CEP57L1: variants seen among roughly 807,000 people sequenced by gnomAD.
CEP57L1 encodes centrosomal protein CEP57L1.
In CEP57L1, 37 loss-of-function variants were observed where a neutral mutation model predicts 61.0. The observed-to-expected ratio is 0.61, with a 90% CI of 0.47 to 0.80. The LOEUF (loss-of-function observed/expected upper bound fraction) is 0.80. Among genes scored for constraint, CEP57L1 ranks in the 30% least tolerant of loss-of-function variants. The pLI is 0.00. For synonymous variants in CEP57L1, 137 were observed against 162.3 expected (o/e 0.84, Z 1.19); for missense variants, 422 against 524.7 (o/e 0.80, Z 1.91).
intron 1 of CEP57L1, among the ~76,000 whole-genome samples, chr6:109,099,818 G>T (rs1782160462): frequency 6.6e-6 from 1 of 152,172 alleles, no homozygotes; most frequent in Non-Finnish European, 1.5e-5. Flanking sequence ...AAAGTGCTGG[G>T]ATTACAGGCG....
Position 109,168,030 on chromosome 6 carries a change from G to C in CEP57L1, c.*5060G>C, listed in dbSNP as rs1186687396. Among the ~76,000 whole-genome samples, 1 of 152,222 alleles carries C rather than the reference G, an allele frequency of 6.6e-6. No individual in the cohort carries two copies. The highest frequency in any genetic ancestry group is 2.4e-5 in the African/African-American group (1 of 41,448). ...TGAAAGGCATAATGACAACCACAGA[G>C]CAGATGCTCAAATATTTATTTGCCT... On this transcript the variant is annotated 3_prime_UTR_variant, in exon 11 of 11. Coordinates refer to ENST00000517392, the MANE Select transcript of CEP57L1 (RefSeq NM_001271852.3).
chr6:109,131,569 C>G (rs567558372), intron 1 of CEP57L1, among the ~76,000 whole-genome samples: 1 of 151,830 alleles, frequency 6.6e-6, no homozygotes, highest in African/African-American at 2.4e-5. Context: ...CAGTTAGTAT[C>G]TCTAAAGTAT....
chr6:109,159,479 T>TG lies in CEP57L1; in HGVS notation c.1016+17_1016+18insG. 1 of 1,092,066 alleles carries TG rather than the reference T, an allele frequency of 9.2e-7. No homozygotes were observed. The highest frequency in any genetic ancestry group is 3.3e-5 in the East Asian group (1 of 30,648). 67.6% of individuals were successfully genotyped at this position (1,092,066 alleles called of 1,614,324 possible). A position where few individuals can be genotyped will look rare whatever the true frequency, so the allele number is the denominator to read the frequency against. On this transcript the variant is annotated intron_variant, in intron 9 of 10. Transcript: ENST00000517392. ...AATGAGCATGTAAGTATTTATATTC[T>TG]TTTTTTTTTTCAAGAGACAGTGTCT...
intron 8 of CEP57L1, 52 bp downstream of exon 8, chr6:109,159,154 G>T (rs779538029): frequency 1.9e-6 from 3 of 1,613,696 alleles, no homozygotes; most frequent in Admixed American, 1.7e-5. Flanking sequence ...CTGTTTTGTT[G>T]TAAGTGCTAT....
chr6:109,148,846 G>A (rs1015137875), intron 3 of CEP57L1, among the ~76,000 whole-genome samples: 1 of 152,220 alleles, frequency 6.6e-6, no homozygotes, highest in African/African-American at 2.4e-5. Flanking sequence ...CTGTGGTTTT[G>A]ATTTGCATTT....
Position 109,146,917 on chromosome 6 carries a change from A to G in CEP57L1, c.320A>G (p.Glu107Gly). 1 of 1,606,842 alleles carries G rather than the reference A, an allele frequency of 6.2e-7. No homozygotes were observed. Among genetic ancestry groups the G allele is most frequent in the Non-Finnish European group, 8.5e-7 (1 of 1,177,628 alleles). ...ETNERNLAHQ[E>G]LIKQKKDISI... ...AATGAGAGAAATCTGGCACACCAGG[A>G]GCTGATAAAGCAGAAAAAAGGTAAG... The change falls in exon 3 of 11, where the codon GAG (glutamate) becomes GGG (glycine). Residue 107 changes from glutamate (E) to glycine (G), a missense_variant. Glu to Gly is a moderately conservative substitution (Grantham distance 98). Coordinates refer to ENST00000517392, the MANE Select transcript of CEP57L1 (RefSeq NM_001271852.3).
At chr6:109,162,277 C>T (rs1338531523) in intron 10 of CEP57L1, among the ~76,000 whole-genome samples, 1 of 152,020 alleles carries the variant, frequency 6.6e-6, no homozygotes, top group African/African-American at 2.4e-5. Context: ...ACTTGATACT[C>T]ATTCCTAGAA....
intron 1 of CEP57L1, among the ~76,000 whole-genome samples, chr6:109,108,994 G>A (rs1033271121): frequency 7.9e-5 from 12 of 152,146 alleles, no homozygotes; most frequent in African/African-American, 2.4e-4. Flanking sequence ...GTTTTTAATA[G>A]GAGAGTCTCT....
At chr6:109,150,316 T>C in intron 4 of CEP57L1, 77 bp downstream of exon 4, 1 of 1,536,012 alleles carries the variant, frequency 6.5e-7, no homozygotes, top group Middle Eastern at 1.7e-4. Flanking sequence ...ACGGGAAAAT[T>C]CAAAGGCAAA....
chr6:109,120,432 T>A (rs1020068441), intron 1 of CEP57L1, among the ~76,000 whole-genome samples: 4 of 152,160 alleles, frequency 2.6e-5, no homozygotes, highest in African/African-American at 9.7e-5. Flanking sequence ...GGTCTATAAA[T>A]AATTGTTTTC....
At chr6:109,117,314 C>T (rs533170538) in intron 1 of CEP57L1, among the ~76,000 whole-genome samples, 2 of 152,252 alleles carry the variant, frequency 1.3e-5, no homozygotes, top group Admixed American at 6.5e-5. Flanking sequence ...TTTGACTATA[C>T]CTTTTGGCTT....
intron 1 of CEP57L1, 29 bp downstream of exon 1, chr6:109,095,604 T>G (rs1314367691): frequency 2.0e-6 from 2 of 983,568 alleles, no homozygotes; most frequent in African/African-American, 3.5e-5. Context: ...GTTGTCACCT[T>G]TCCTTGACAG....
At position 109,159,391 on chromosome 6, in the gene CEP57L1, G is replaced by A. The variant is rs1773526646; in HGVS notation, c.945G>A (p.Lys315=). 6.2e-7 allele frequency: 1 copy of A among 1,613,888 alleles called. No homozygotes were observed. Among genetic ancestry groups the A allele is most frequent in the South Asian group, 1.1e-5 (1 of 91,084 alleles). The change falls in exon 9 of 11, where the codon AAG becomes AAA. Residue 315 remains lysine, a synonymous_variant. Transcript: ENST00000517392. ...AAGCTATTCCTCCTGACTCAGAAAA[G>A]TCCATTTCCATTTGTGACAATTTAT... ...WCKAIPPDSE[K]SISICDNLSE...
intron 1 of CEP57L1, among the ~76,000 whole-genome samples, chr6:109,113,266 C>T (rs1008958548): frequency 6.6e-6 from 1 of 152,046 alleles, no homozygotes; most frequent in African/African-American, 2.4e-5. Context: ...TTCTTTGTAA[C>T]ATGGATCGTC....
Position 109,160,637 on chromosome 6 carries a change from A to G in CEP57L1, c.1082A>G (p.Glu361Gly). ...TESHSVCDDI[E>G]CELECLLKKM... Reference sequence around the variant, plus strand: ...AGTCATTCAGTCTGTGACGACATAGAATGTGAACTAGAGTGTTTACTCAAG... The same window carrying G: ...AGTCATTCAGTCTGTGACGACATAGGATGTGAACTAGAGTGTTTACTCAAG... Residue 361 changes from glutamate (E) to glycine (G), a missense_variant, in exon 10 of 11, where the codon GAA becomes GGA. Coordinates refer to ENST00000517392, the MANE Select transcript of CEP57L1 (RefSeq NM_001271852.3). 1 of 1,607,172 alleles carries G rather than the reference A, an allele frequency of 6.2e-7. No individual in the cohort carries two copies. Among genetic ancestry groups the G allele is most frequent in the Non-Finnish European group, 8.5e-7 (1 of 1,177,752 alleles).
At chr6:109,155,987 A>G in intron 7 of CEP57L1, 110 bp downstream of exon 7, 1 of 534,398 alleles carries the variant, frequency 1.9e-6, no homozygotes, top group East Asian at 3.5e-5. Context: ...GATATAAAAT[A>G]AAAGACATGC....
intron 1 of CEP57L1, among the ~76,000 whole-genome samples, chr6:109,101,292 A>T (rs932417466): frequency 6.6e-6 from 1 of 152,202 alleles, no homozygotes; most frequent in African/African-American, 2.4e-5. Flanking sequence ...ATCATGCAGT[A>T]TGTTGCCTTT....
At chr6:109,140,214 T>C (rs1771197592) in intron 1 of CEP57L1, among the ~76,000 whole-genome samples, 1 of 148,570 alleles carries the variant, frequency 6.7e-6, no homozygotes. Context: ...TCCCTCAGCC[T>C]CCTGAGTAGC....
rs192621995 is a variant in CEP57L1, at chr6:109,164,203, C to T, written c.*1233C>T. Among the ~76,000 whole-genome samples the T allele has an allele frequency of 3.3e-4, 50 of 152,196 alleles. No individual in the cohort carries two copies. The highest frequency in any genetic ancestry group is 1.2e-3 in the African/African-American group (50 of 41,542). Reference sequence around the variant, plus strand: ...CAGGATCTTGGGAAGCTAAGGAGAGCAATTTTTAAAAGACAGTTTTTCTGT... The same window carrying T: ...CAGGATCTTGGGAAGCTAAGGAGAGTAATTTTTAAAAGACAGTTTTTCTGT... On this transcript the variant is annotated 3_prime_UTR_variant, in exon 11 of 11. Transcript: ENST00000517392.
Sources: allele counts gnomAD v4.1 joint callset (sites outside exome capture counted in the v4.1 genomes callset), GRCh38; gene constraint gnomAD v4.1.1; transcripts MANE v1.5; gene names NCBI Gene and HGNC (gene_info 2026-07-23, HGNC 2026-07-21).